The following SHC3 variants were observed in gnomAD, a reference collection of about 807,000 sequenced individuals.
SHC3 encodes SHC adaptor protein 3, also known as SHC-transforming protein 3.
In SHC3, 15 loss-of-function variants were observed where a neutral mutation model predicts 60.4. The ratio of observed to expected loss-of-function variants is 0.25; its 90% confidence interval spans 0.17 to 0.38. The LOEUF is 0.38. SHC3 is among the 10% of genes least tolerant of loss of function. The pLI is 1.00. For missense variants in SHC3, 677 were observed against 786.1 expected (o/e 0.86, Z 1.66); for synonymous variants, 294 against 325.9 (o/e 0.90, Z 1.05).
intron 11 of SHC3, among the ~76,000 whole-genome samples, chr9:89,030,202 G>A (rs777588004): frequency 2.6e-5 from 4 of 151,976 alleles, no homozygotes; most frequent in South Asian, 4.2e-4. Flanking sequence ...ACACATATGC[G>A]CTTAATAACA....
intron 1 of SHC3, among the ~76,000 whole-genome samples, chr9:89,174,717 C>T (rs746694370): frequency 3.3e-5 from 5 of 152,214 alleles, no homozygotes; most frequent in Non-Finnish European, 4.4e-5. Context: ...AAGGCAAACC[C>T]GGTGCAGCCC....
At chr9:89,175,741 A>G (rs745364564) in intron 1 of SHC3, among the ~76,000 whole-genome samples, 1 of 152,266 alleles carries the variant, frequency 6.6e-6, no homozygotes, top group African/African-American at 2.4e-5. Flanking sequence ...GTCATATGAT[A>G]AAGATGGCCC....
rs76696519 is a variant in SHC3, at chr9:89,136,752, C to T, written c.475-24126G>A. ...TTCATTTTACTCTATGGATTTGCCTCGAATTCTTTCTTGTGCGAGATCCAA... is the reference window on the plus strand; with the variant it reads ...TTCATTTTACTCTATGGATTTGCCTTGAATTCTTTCTTGTGCGAGATCCAA... On this transcript the variant is annotated intron_variant, in intron 1 of 11. Transcript: ENST00000375835. 8.0e-3 allele frequency among the ~76,000 whole-genome samples: 1,219 copies of T among 152,276 alleles called. 15 individuals are homozygous for T. The highest frequency in any genetic ancestry group is 0.027 in the African/African-American group (1,118 of 41,546).
At chr9:89,062,232 A>G (rs1175775388) in intron 6 of SHC3, among the ~76,000 whole-genome samples, 4 of 152,230 alleles carry the variant, frequency 2.6e-5, no homozygotes, top group Non-Finnish European at 1.5e-5. Context: ...AAAGAAAATG[A>G]TATGTTAGAA....
chr9:89,069,651 T>C (rs1349917227), intron 5 of SHC3, among the ~76,000 whole-genome samples: 1 of 152,108 alleles, frequency 6.6e-6, no homozygotes, highest in East Asian at 1.9e-4. Context: ...GGCTCAAGGG[T>C]CTGAGATGGG....
chr9:89,120,473 TG>T (rs1276708611), intron 1 of SHC3, among the ~76,000 whole-genome samples: 1 of 152,178 alleles, frequency 6.6e-6, no homozygotes, highest in Non-Finnish European at 1.5e-5. Context: ...ACTAGTAATC[TG>T]AGAAATTAAA....
rs549939713 is a variant in SHC3 at position 89,054,789 on chromosome 9, C to T, written c.836-2626G>A. Among the ~76,000 whole-genome samples, 15 of 152,330 alleles carry T rather than the reference C, an allele frequency of 9.8e-5. No homozygotes were observed. In the South Asian group the frequency reaches 1.7e-3, roughly 17 times the overall value. On this transcript the variant is annotated intron_variant, in intron 6 of 11. Transcript: ENST00000375835. ...GCAAGACAGGGAATTCCACAGTCCT[C>T]ATTTGAGGAAACTGCCCACTGGGGA...
At chr9:89,014,227 C>T (rs1316208218) in intron 11 of SHC3, among the ~76,000 whole-genome samples, 1 of 152,212 alleles carries the variant, frequency 6.6e-6, no homozygotes, top group Non-Finnish European at 1.5e-5. Flanking sequence ...TGCCCATAAA[C>T]TTTTAATGCC....
chr9:89,153,482 C>T (rs1826575015), intron 1 of SHC3, among the ~76,000 whole-genome samples: 1 of 152,250 alleles, frequency 6.6e-6, no homozygotes, highest in Non-Finnish European at 1.5e-5. Flanking sequence ...TTCAAAACTC[C>T]TCCCTGGTTA....
intron 5 of SHC3, among the ~76,000 whole-genome samples, chr9:89,066,866 G>C (rs1825192262): frequency 6.6e-6 from 1 of 152,118 alleles, no homozygotes; most frequent in Non-Finnish European, 1.5e-5. Context: ...AATGAGTATG[G>C]GGTGGCCATG....
At chr9:89,065,725 C>T in intron 5 of SHC3, 145 bp from the exon 6 acceptor site, 1 of 798,174 alleles carries the variant, frequency 1.3e-6, no homozygotes, top group Admixed American at 2.2e-5. Flanking sequence ...AAACAGCCCC[C>T]AGAAGATTCA....
At chr9:89,152,631 A>C (rs1564183415) in intron 1 of SHC3, among the ~76,000 whole-genome samples, 1 of 152,254 alleles carries the variant, frequency 6.6e-6, no homozygotes, top group Non-Finnish European at 1.5e-5. Flanking sequence ...TGATATTGGC[A>C]TTGGAATAAT....
At chr9:89,175,173 A>G (rs930152612) in intron 1 of SHC3, among the ~76,000 whole-genome samples, 2 of 152,184 alleles carry the variant, frequency 1.3e-5, no homozygotes, top group Non-Finnish European at 2.9e-5. Flanking sequence ...CTTTTACGTC[A>G]CCAAAAGAAA....
chr9:89,061,051 A>T (rs1175260589), intron 6 of SHC3, among the ~76,000 whole-genome samples: 1 of 152,192 alleles, frequency 6.6e-6, no homozygotes, highest in African/African-American at 2.4e-5. Context: ...GGCTGGAAAA[A>T]TATGTTCAGC....
At chr9:89,080,793 G>A (rs1402617924) in intron 2 of SHC3, among the ~76,000 whole-genome samples, 3 of 128,804 alleles carry the variant, frequency 2.3e-5, no homozygotes, top group African/African-American at 8.9e-5. Context: ...TTGAGACTTA[G>A]TCTTGCTCTT....
chr9:89,064,544 A>G (rs901292036), intron 6 of SHC3, among the ~76,000 whole-genome samples: 2 of 152,104 alleles, frequency 1.3e-5, no homozygotes, highest in Admixed American at 1.3e-4. Context: ...CTTTGGCGGT[A>G]CCTTGGAATC....
chr9:89,146,631 G>GA, intron 1 of SHC3, among the ~76,000 whole-genome samples: 1 of 152,296 alleles, frequency 6.6e-6, no homozygotes, highest in Non-Finnish European at 1.5e-5. Context: ...GAGGGGAAGG[G>GA]AAAGGAGGCA....
chr9:89,167,605 A>G (rs1826808633), intron 1 of SHC3, among the ~76,000 whole-genome samples: 1 of 152,220 alleles, frequency 6.6e-6, no homozygotes, highest in East Asian at 1.9e-4. Flanking sequence ...CAACTTCCCA[A>G]AAGAGGCATC....
rs1266710436 is a variant in SHC3, at chr9:89,076,132, GAGGATGCCCC to G, written c.610-914_610-905del. Among the ~76,000 whole-genome samples, 4 of 152,240 alleles carry G rather than the reference GAGGATGCCCC, an allele frequency of 2.6e-5. No homozygotes were observed. In the East Asian group the frequency reaches 7.7e-4, roughly 29 times the overall value. ...GCATCGTTTCCACCAAGAGAACCAT[GAGGATGCCCC>G]AGGATGAGCTGGGACCTGGAAGATG... is the stretch of plus-strand genomic sequence containing the variant. On this transcript the variant is annotated intron_variant, in intron 3 of 11. Coordinates refer to ENST00000375835, the MANE Select transcript of SHC3 (RefSeq NM_016848.6).
Sources: gnomAD v4.1 joint callset for allele counts (sites outside exome capture counted in the v4.1 genomes callset) on GRCh38, gnomAD v4.1.1 for gene constraint, MANE v1.5 for transcripts, NCBI Gene and HGNC (gene_info 2026-07-23, HGNC 2026-07-21) for gene names.